The following INO80 variants were observed in gnomAD, a reference collection of about 807,000 sequenced individuals.
The protein encoded by INO80 is INO80 complex ATPase subunit.
Under a neutral mutation model 203.4 loss-of-function variants are expected in INO80, and 20 were observed. The observed-to-expected ratio is 0.10, with a 90% confidence interval of 0.07 to 0.14. INO80 has a LOEUF of 0.14. Ranked by LOEUF, INO80 falls within the 10% of genes least tolerant of loss-of-function variation. The pLI is 1.00. For synonymous variants in INO80, 726 were observed against 685.2 expected, an observed-to-expected ratio of 1.06 and a Z score of -0.93; for missense variants, 1,419 against 1,914.4, an observed-to-expected ratio of 0.74 and a Z score of 4.83.
chr15:41,024,810 T>G (rs1203066310), intron 25 of INO80, among the ~76,000 whole-genome samples: 1 of 152,168 alleles, frequency 6.6e-6, no homozygotes, highest in Non-Finnish European at 1.5e-5. Flanking sequence ...AAGGCCAGGG[T>G]TGGCTTCAAA....
chr15:40,986,975 A>C (rs897401720), intron 31 of INO80, 116 bp downstream of exon 31: 1 of 578,430 alleles, frequency 1.7e-6, no homozygotes, highest in African/African-American at 1.9e-5. Context: ...AAATATGAGC[A>C]CAAAAATACT....
At chr15:41,069,403 C>A (rs2045276251) in intron 14 of INO80, 167 bp downstream of exon 14, 1 of 472,748 alleles carries the variant, frequency 2.1e-6, no homozygotes, top group South Asian at 3.4e-5. Context: ...ACTTCCTGAC[C>A]TCGTGATCCA....
At chr15:41,075,230 T>C (rs1273973107) in intron 9 of INO80, among the ~76,000 whole-genome samples, 1 of 152,168 alleles carries the variant, frequency 6.6e-6, no homozygotes, top group Non-Finnish European at 1.5e-5. Flanking sequence ...TACATGTCTA[T>C]GTAGCTTTAT....
At chr15:41,024,220 G>GC (rs2044341367) in intron 25 of INO80, among the ~76,000 whole-genome samples, 1 of 152,086 alleles carries the variant, frequency 6.6e-6, no homozygotes, top group Non-Finnish European at 1.5e-5. Flanking sequence ...TTGGCCAGGA[G>GC]CCCAGGATCA....
At chr15:41,115,750 C>T (rs573777508) in intron 1 of INO80, among the ~76,000 whole-genome samples, 32 of 152,298 alleles carry the variant, frequency 2.1e-4, no homozygotes, top group African/African-American at 7.2e-4. Flanking sequence ...CGCATGACCC[C>T]GGGTCTCCAG....
chr15:40,986,720 G>C (rs879933559), intron 31 of INO80, among the ~76,000 whole-genome samples: 3 of 152,072 alleles, frequency 2.0e-5, no homozygotes, highest in Non-Finnish European at 4.4e-5. Flanking sequence ...CCACCTCCTG[G>C]GTTCAAGCAA....
chr15:41,077,056 T>C (rs1356642299), intron 9 of INO80, among the ~76,000 whole-genome samples: 6 of 151,984 alleles, frequency 3.9e-5, no homozygotes, highest in South Asian at 2.1e-4. Flanking sequence ...TACAGGTGTA[T>C]GCCACCACAC....
chr15:41,014,053 G>C (rs565065972), intron 27 of INO80, among the ~76,000 whole-genome samples: 1 of 152,250 alleles, frequency 6.6e-6, no homozygotes, highest in South Asian at 2.1e-4. Flanking sequence ...ATCATACTCT[G>C]AATTACTTAT....
At chr15:41,089,571 G>GT (rs1395200746) in intron 5 of INO80, among the ~76,000 whole-genome samples, 1 of 151,964 alleles carries the variant, frequency 6.6e-6, no homozygotes, top group African/African-American at 2.4e-5. Flanking sequence ...TTGAAAAACC[G>GT]TATCTCTACT....
Position 41,056,671 on chromosome 15 carries a change from C to T in INO80, c.2021G>A (p.Arg674Gln). 2 of 1,614,002 alleles carry T rather than the reference C, an allele frequency of 1.2e-6. No individual in the cohort carries two copies. The highest frequency in any genetic ancestry group is 1.7e-6 in the Non-Finnish European group (2 of 1,179,938). The change falls in exon 17 of 36, where the codon CGG becomes CAG. Residue 674 changes from arginine to glutamine, a missense_variant. Coordinates refer to ENST00000648947, the MANE Select transcript of INO80 (RefSeq NM_017553.3). ...RWKILLQFQCRNRLLLTGTPI... is the reference protein window; with the variant it reads ...RWKILLQFQCQNRLLLTGTPI... ...GGTCCCGGTTAGCAAAAGCCGATTC[C>T]GACACTGGAACTGTAAGAGGATCTT... is the stretch of plus-strand genomic sequence containing the variant.
chr15:41,091,305 C>T (rs2045637626), intron 5 of INO80, among the ~76,000 whole-genome samples: 1 of 152,134 alleles, frequency 6.6e-6, no homozygotes, highest in Non-Finnish European at 1.5e-5. Flanking sequence ...ACTGATCTGC[C>T]CACTTCAGCC....
chr15:41,008,185 A>C (rs143822228), intron 27 of INO80, among the ~76,000 whole-genome samples: 1 of 150,970 alleles, frequency 6.6e-6, no homozygotes, highest in African/African-American at 2.4e-5. Context: ...TAAACAAACA[A>C]AACAGGTGAA....
intron 33 of INO80, 117 bp from the exon 34 acceptor site, chr15:40,984,038 T>G: frequency 1.5e-6 from 2 of 1,362,942 alleles, no homozygotes; most frequent in Non-Finnish European, 2.0e-6. Flanking sequence ...GAAACCAACC[T>G]GTCCTCATTT....
At chr15:40,988,434 C>G (rs1308770800) in intron 29 of INO80, among the ~76,000 whole-genome samples, 1 of 152,144 alleles carries the variant, frequency 6.6e-6, no homozygotes, top group Non-Finnish European at 1.5e-5. Context: ...GACAATTTAT[C>G]CAAGATCACA....
At chr15:41,015,996 C>T in intron 27 of INO80, 92 bp downstream of exon 27, 1 of 981,286 alleles carries the variant, frequency 1.0e-6, no homozygotes, top group Non-Finnish European at 1.5e-6. Flanking sequence ...TTTTGGGGCT[C>T]CCATTAAGCA....
At position 41,069,565 on chromosome 15, in the gene INO80, T is replaced by C. The variant is rs1255108888; in HGVS notation, c.1782+5A>G. On this transcript the variant is annotated splice_donor_5th_base_variant and intron_variant, in intron 14 of 35. Coordinates refer to ENST00000648947, the MANE Select transcript of INO80 (RefSeq NM_017553.3). ...AATAGATGTTTTGGTTGGACTGATA[T>C]TTACCTTAAATTTAGGAACAAATCT... 1 of 1,540,138 alleles carries C rather than the reference T, an allele frequency of 6.5e-7. No homozygotes were observed. The highest frequency in any genetic ancestry group is 1.7e-5 in the Admixed American group (1 of 57,746).
chr15:41,038,019 T>C (rs1477168943), intron 24 of INO80, among the ~76,000 whole-genome samples: 5 of 137,670 alleles, frequency 3.6e-5, no homozygotes, highest in African/African-American at 8.4e-5. Context: ...TTCTTTTTTT[T>C]TTTTTTTTTT....
intron 28 of INO80, among the ~76,000 whole-genome samples, chr15:41,004,240 A>T (rs551336274): frequency 6.6e-6 from 1 of 152,356 alleles, no homozygotes; most frequent in African/African-American, 2.4e-5. Context: ...TTGGTCAAAC[A>T]GGCACCTGGA....
intron 8 of INO80, among the ~76,000 whole-genome samples, chr15:41,080,594 GC>G: frequency 6.6e-6 from 1 of 152,322 alleles, no homozygotes; most frequent in African/African-American, 2.4e-5. Context: ...GGTGGCTCAT[GC>G]CTGTAATCCT....
Sources: allele counts gnomAD v4.1 joint callset (sites outside exome capture counted in the v4.1 genomes callset), GRCh38; gene constraint gnomAD v4.1.1; transcripts MANE v1.5; gene names NCBI Gene and HGNC (gene_info 2026-07-23, HGNC 2026-07-21).